The following PCDH15 variants were observed in gnomAD, a reference collection of about 807,000 sequenced individuals.
PCDH15 encodes the protein protocadherin-15.
A neutral mutation model predicts 178.5 loss-of-function variants in PCDH15; 129 were observed. That is an observed-to-expected ratio of 0.72 (90% confidence interval 0.63 to 0.84). The LOEUF (loss-of-function observed/expected upper bound fraction) is 0.84, where lower values mean the gene tolerates loss of function less well. PCDH15 is among the 40% of genes least tolerant of loss of function. PCDH15 has a pLI of 0.00. For missense variants in PCDH15, 2,230 were observed against 2,099.9 expected, an observed-to-expected ratio of 1.06 and a Z score of -1.21; for synonymous variants, 800 against 732.0, an observed-to-expected ratio of 1.09 and a Z score of -1.50.
At chr10:54,702,284 C>T (rs2095316444) in intron 1 of PCDH15, among the ~76,000 whole-genome samples, 1 of 151,850 alleles carries the variant, frequency 6.6e-6, no homozygotes. Flanking sequence ...ACATCAGAAT[C>T]TCTAGGACAC....
chr10:53,928,171 C>T (rs1350981730), intron 25 of PCDH15, among the ~76,000 whole-genome samples: 1 of 151,988 alleles, frequency 6.6e-6, no homozygotes, highest in Non-Finnish European at 1.5e-5. Context: ...CTCCTATGTA[C>T]ATCTTTTCTA....
intron 2 of PCDH15, among the ~76,000 whole-genome samples, chr10:54,984,715 G>C (rs1839321599): frequency 6.6e-6 from 1 of 152,112 alleles, no homozygotes; most frequent in African/African-American, 2.4e-5. Flanking sequence ...GTACATGCCT[G>C]TAGTCCCAAC....
At chr10:55,228,328 C>A (rs1010154962) in intron 1 of PCDH15, among the ~76,000 whole-genome samples, 10 of 151,486 alleles carry the variant, frequency 6.6e-5, no homozygotes, top group African/African-American at 2.4e-4. Flanking sequence ...AGAAATAACT[C>A]TATAAAAATG....
At chr10:54,564,021 A>G (rs1054275489) in intron 2 of PCDH15, among the ~76,000 whole-genome samples, 4 of 152,204 alleles carry the variant, frequency 2.6e-5, no homozygotes, top group Non-Finnish European at 5.9e-5. Context: ...ACAGAGGAAC[A>G]TGGAGGAGAG....
At chr10:55,592,261 T>C (rs548822199) in intron 2 of PCDH15, among the ~76,000 whole-genome samples, 113 of 152,260 alleles carry the variant, frequency 7.4e-4, no homozygotes, top group African/African-American at 2.6e-3. Flanking sequence ...GCTCCCTTAC[T>C]GCCTGATGTC....
At chr10:53,810,972 G>T (rs1336171025) in intron 36 of PCDH15, among the ~76,000 whole-genome samples, 1 of 152,140 alleles carries the variant, frequency 6.6e-6, no homozygotes, top group African/African-American at 2.4e-5. Context: ...GAAGAATCCA[G>T]AACACAAAAT....
At chr10:54,189,333 A>T (rs1409347117) in intron 11 of PCDH15, 2 of 1,560,448 alleles carry the variant, frequency 1.3e-6, no homozygotes, top group Non-Finnish European at 1.7e-6. Flanking sequence ...TTAACAAAAG[A>T]ACAATCACAA....
intron 1 of PCDH15, among the ~76,000 whole-genome samples, chr10:55,283,470 C>T (rs1315277745): frequency 6.6e-6 from 1 of 151,912 alleles, no homozygotes; most frequent in Admixed American, 6.6e-5. Flanking sequence ...TTCTCTATTG[C>T]AATTCCCCTG....
At chr10:54,280,327 C>T (rs902493297) in intron 8 of PCDH15, among the ~76,000 whole-genome samples, 1 of 148,822 alleles carries the variant, frequency 6.7e-6, no homozygotes. Context: ...AATGAAAGAC[C>T]TTTTTTATCC....
chr10:55,445,109 T>C (rs887486250), intron 2 of PCDH15, among the ~76,000 whole-genome samples: 7 of 152,160 alleles, frequency 4.6e-5, no homozygotes, highest in African/African-American at 1.7e-4. Context: ...ATCATGCCTA[T>C]TGGGATGTCT....
chr10:55,547,178 G>A (rs961406820), intron 2 of PCDH15, among the ~76,000 whole-genome samples: 1 of 152,142 alleles, frequency 6.6e-6, no homozygotes, highest in Admixed American at 6.6e-5. Context: ...TCCCGAAGTT[G>A]CAGCAGCTGA....
intron 21 of PCDH15, among the ~76,000 whole-genome samples, chr10:53,969,760 G>A (rs1296691789): frequency 6.6e-6 from 1 of 152,134 alleles, no homozygotes; most frequent in African/African-American, 2.4e-5. Context: ...GCCAAACTAA[G>A]CTTCATAAGT....
chr10:55,124,435 A>G (rs1837848244), intron 2 of PCDH15, among the ~76,000 whole-genome samples: 1 of 152,156 alleles, frequency 6.6e-6, no homozygotes, highest in South Asian at 2.1e-4. Flanking sequence ...TTCTTGTATT[A>G]GAGCTTTTTA....
At chr10:54,878,547 G>A (rs1249572241) in intron 3 of PCDH15, among the ~76,000 whole-genome samples, 1 of 152,050 alleles carries the variant, frequency 6.6e-6, no homozygotes, top group Non-Finnish European at 1.5e-5. Flanking sequence ...TGAAACCACA[G>A]TTATGAAAAT....
intron 3 of PCDH15, among the ~76,000 whole-genome samples, chr10:54,413,000 A>G (rs2135673648): frequency 6.6e-6 from 1 of 152,342 alleles, no homozygotes; most frequent in South Asian, 2.1e-4. Context: ...AGACTAAGAA[A>G]GGCAGACCTG....
At chr10:54,209,078 A>C (rs2051129464) in intron 10 of PCDH15, among the ~76,000 whole-genome samples, 1 of 151,824 alleles carries the variant, frequency 6.6e-6, no homozygotes, top group Admixed American at 6.6e-5. Context: ...AATTAATTTT[A>C]TTAGCTTTTT....
chr10:54,597,664 T>A (rs1029631069), intron 2 of PCDH15, among the ~76,000 whole-genome samples: 1 of 151,822 alleles, frequency 6.6e-6, no homozygotes, highest in Non-Finnish European at 1.5e-5. Flanking sequence ...TGAGACATAA[T>A]ACAACCATTC....
intron 2 of PCDH15, among the ~76,000 whole-genome samples, chr10:54,598,464 G>T (rs920474615): frequency 1.3e-5 from 2 of 152,088 alleles, no homozygotes; most frequent in Admixed American, 6.6e-5. Context: ...GGTATTGAAG[G>T]AATATACCTC....
intron 13 of PCDH15, among the ~76,000 whole-genome samples, chr10:54,174,521 CA>C (rs957388911): frequency 6.9e-6 from 1 of 144,726 alleles, no homozygotes; most frequent in Non-Finnish European, 1.5e-5. Context: ...GGCGACAGAG[CA>C]AAAAAAAGAA....
Sources: allele counts gnomAD v4.1 joint callset (sites outside exome capture counted in the v4.1 genomes callset), GRCh38; gene constraint gnomAD v4.1.1; transcripts MANE v1.5; gene names NCBI Gene and HGNC (gene_info 2026-07-23, HGNC 2026-07-21).